Variants in FYN observed in about 807,000 individuals in gnomAD.
The protein encoded by FYN is tyrosine-protein kinase Fyn.
A neutral mutation model predicts 70.2 loss-of-function variants in FYN; 10 were observed. The ratio of observed to expected loss-of-function variants is 0.14; its 90% CI spans 0.09 to 0.24. The LOEUF (loss-of-function observed/expected upper bound fraction) is 0.24, where lower values mean the gene tolerates loss of function less well. Ranked by LOEUF, FYN falls within the 10% of genes least tolerant of loss-of-function variation. The probability of loss-of-function intolerance (pLI) is 1.00; values close to 1 mark genes in which losing one functional copy is unlikely to be tolerated. For missense variants in FYN, 319 were observed against 673.1 expected, an observed-to-expected ratio of 0.47 and a Z score of 5.82; for synonymous variants, 236 against 248.6, an observed-to-expected ratio of 0.95 and a Z score of 0.48.
chr6:111,717,045 A>T (rs1562488072), intron 4 of FYN, among the ~76,000 whole-genome samples: 1 of 152,080 alleles, frequency 6.6e-6, no homozygotes, highest in Non-Finnish European at 1.5e-5. Context: ...CAGCCTCCCA[A>T]AGTGCTGGGA....
At chr6:111,867,456 G>A (rs1308590070) in intron 1 of FYN, among the ~76,000 whole-genome samples, 1 of 81,316 alleles carries the variant, frequency 1.2e-5, no homozygotes, top group African/African-American at 8.3e-5. Flanking sequence ...ACTCCGTCTC[G>A]GGAAAAAAAA....
chr6:111,782,813 C>T (rs1423863858), intron 2 of FYN, among the ~76,000 whole-genome samples: 1 of 152,202 alleles, frequency 6.6e-6, no homozygotes, highest in African/African-American at 2.4e-5. Flanking sequence ...GGTACAGTTG[C>T]TCTGGCCTCT....
chr6:111,830,655 T>C (rs552242022), intron 2 of FYN, among the ~76,000 whole-genome samples: 55 of 152,210 alleles, frequency 3.6e-4, no homozygotes, highest in Middle Eastern at 3.4e-3. Flanking sequence ...GTTATCAATA[T>C]ACTAGATGCA....
intron 13 of FYN, among the ~76,000 whole-genome samples, chr6:111,671,579 A>T (rs1317844090): frequency 6.6e-6 from 1 of 152,194 alleles, no homozygotes; most frequent in East Asian, 1.9e-4. Flanking sequence ...TAGCCAACTG[A>T]GACATGAGAC....
At chr6:111,758,078 G>T (rs1309414514) in intron 3 of FYN, among the ~76,000 whole-genome samples, 2 of 152,260 alleles carry the variant, frequency 1.3e-5, no homozygotes, top group East Asian at 3.9e-4. Flanking sequence ...TTCTGATGTT[G>T]TTTTTAAAAA....
At chr6:111,781,830 TTA>T (rs1771185525) in intron 2 of FYN, among the ~76,000 whole-genome samples, 1 of 152,228 alleles carries the variant, frequency 6.6e-6, no homozygotes, top group Non-Finnish European at 1.5e-5. Flanking sequence ...GACAAAATTG[TTA>T]TGAACATCTT....
intron 3 of FYN, among the ~76,000 whole-genome samples, chr6:111,776,199 C>T (rs532224971): frequency 6.6e-6 from 1 of 152,252 alleles, no homozygotes; most frequent in East Asian, 1.9e-4. Context: ...AAGCAGATAC[C>T]TACCCTGGGT....
intron 1 of FYN, among the ~76,000 whole-genome samples, chr6:111,870,401 C>T (rs1398020849): frequency 6.6e-6 from 1 of 152,180 alleles, no homozygotes; most frequent in African/African-American, 2.4e-5. Context: ...CAAGAATAAA[C>T]GTCTATTGCT....
At chr6:111,683,903 G>A (rs1033870713) in intron 12 of FYN, among the ~76,000 whole-genome samples, 1 of 152,240 alleles carries the variant, frequency 6.6e-6, no homozygotes, top group Admixed American at 6.5e-5. Flanking sequence ...ATGAAACTTG[G>A]CAAAGCAAAA....
At chr6:111,677,462 C>G (rs1798581940) in intron 12 of FYN, among the ~76,000 whole-genome samples, 1 of 152,218 alleles carries the variant, frequency 6.6e-6, no homozygotes, top group African/African-American at 2.4e-5. Context: ...CCCTAAAATG[C>G]AGCTCTAAAT....
chr6:111,852,034 G>A (rs1354205751), intron 1 of FYN, among the ~76,000 whole-genome samples: 1 of 152,138 alleles, frequency 6.6e-6, no homozygotes, highest in East Asian at 1.9e-4. Flanking sequence ...AGCCCATAGA[G>A]TGGTTTGCTA....
chr6:111,769,193 G>A (rs1583425765), intron 3 of FYN, among the ~76,000 whole-genome samples: 2 of 152,198 alleles, frequency 1.3e-5, no homozygotes, highest in East Asian at 1.9e-4. Flanking sequence ...GCTTTGCAGT[G>A]CCATCCTTCA....
intron 13 of FYN, among the ~76,000 whole-genome samples, chr6:111,663,369 A>G (rs1797853804): frequency 6.6e-6 from 1 of 152,218 alleles, no homozygotes; most frequent in African/African-American, 2.4e-5. Context: ...ACTTGTCAGC[A>G]CAGCCAGAGG....
At chr6:111,795,635 C>T (rs1771779392) in intron 2 of FYN, among the ~76,000 whole-genome samples, 1 of 152,162 alleles carries the variant, frequency 6.6e-6, no homozygotes, top group Non-Finnish European at 1.5e-5. Context: ...GAGAAAAATA[C>T]ATGTTTGGTA....
intron 3 of FYN, among the ~76,000 whole-genome samples, chr6:111,762,854 A>G (rs72942158): frequency 0.32 from 48,748 of 151,948 alleles, 8,811 homozygotes; most frequent in East Asian, 0.47. Flanking sequence ...ACCACAGGTA[A>G]CTAAAAAAGT....
chr6:111,808,485 A>AG (rs1402411387), intron 2 of FYN, among the ~76,000 whole-genome samples: 1 of 152,192 alleles, frequency 6.6e-6, no homozygotes, highest in Non-Finnish European at 1.5e-5. Flanking sequence ...GTAGCGAATC[A>AG]GGAGGGACCC....
chr6:111,823,816 A>C (rs181042078), intron 2 of FYN, among the ~76,000 whole-genome samples: 1 of 152,332 alleles, frequency 6.6e-6, no homozygotes, highest in Admixed American at 6.5e-5. Context: ...GGAAGGACAA[A>C]ACATTCTCAC....
At chr6:111,708,508 A>C (rs1311654018) in intron 5 of FYN, among the ~76,000 whole-genome samples, 1 of 152,178 alleles carries the variant, frequency 6.6e-6, no homozygotes, top group African/African-American at 2.4e-5. Context: ...TAACATCTTA[A>C]CATTGGGAGG....
rs373634134 is a variant in FYN, at chr6:111,867,458, GAAAAAAAAAAA to G, written c.-123+5499_-123+5509del. Among the ~76,000 whole-genome samples the G allele has an allele frequency of 8.5e-5, 6 of 70,464 alleles. No homozygotes were observed. The East Asian group carries it at 3.6e-3, about 42-fold the overall frequency. The allele number at this position is 70,464 out of a possible 152,430, so 46.2% of individuals were successfully genotyped here. On this transcript the variant is annotated intron_variant, in intron 1 of 13. Transcript: ENST00000354650. ...CAACAAGAGCGAAACTCCGTCTCGG[GAAAAAAAAAAA>G]AAAAAAAAAAAAAGACCTAGTCCTC...
Sources: allele counts gnomAD v4.1 joint callset (sites outside exome capture counted in the v4.1 genomes callset), GRCh38; gene constraint gnomAD v4.1.1; transcripts MANE v1.5; gene names NCBI Gene and HGNC (gene_info 2026-07-23, HGNC 2026-07-21).